The following BCAS3 variants were observed in gnomAD, a reference collection of about 807,000 sequenced individuals.
The protein encoded by BCAS3 is BCAS3 microtubule associated cell migration factor, also known as BCAS4/BCAS3 fusion.
In BCAS3, 53 loss-of-function variants were observed where a neutral mutation model predicts 116.1. The ratio of observed to expected loss-of-function variants is 0.46; its 90% CI spans 0.37 to 0.57. The LOEUF is 0.57. BCAS3 is among the 20% of genes least tolerant of loss of function. The pLI is 0.00. For synonymous variants in BCAS3, 391 were observed against 408.2 expected (o/e 0.96, Z 0.51); for missense variants, 917 against 1,165.4 (o/e 0.79, Z 3.10).
chr17:61,268,434 T>C (rs368671370), intron 22 of BCAS3, among the ~76,000 whole-genome samples: 5 of 152,178 alleles, frequency 3.3e-5, no homozygotes, highest in African/African-American at 1.2e-4. Flanking sequence ...AAAGAAAATA[T>C]AACATTATCA....
intron 22 of BCAS3, among the ~76,000 whole-genome samples, chr17:61,202,648 A>G (rs1178298633): frequency 6.6e-6 from 1 of 152,210 alleles, no homozygotes; most frequent in Non-Finnish European, 1.5e-5. Context: ...TGATCTCAGA[A>G]TAGGCCAAGT....
chr17:61,054,445 C>T (rs148683847), intron 19 of BCAS3, among the ~76,000 whole-genome samples: 1 of 152,296 alleles, frequency 6.6e-6, no homozygotes, highest in African/African-American at 2.4e-5. Context: ...CAGATCACTA[C>T]AGCCTCAACC....
intron 5 of BCAS3, among the ~76,000 whole-genome samples, chr17:60,721,315 G>A (rs1011753652): frequency 9.2e-5 from 14 of 152,158 alleles, no homozygotes; most frequent in Admixed American, 6.5e-4. Flanking sequence ...AAAGAGAATA[G>A]GTGGATCCTT....
At position 61,049,675 on chromosome 17, in the gene BCAS3, G is replaced by A. The variant is rs953336241; in HGVS notation, c.2029+8783G>A. 3.4e-5 allele frequency among the ~76,000 whole-genome samples: 5 copies of A among 148,516 alleles called. 1 individual carries two copies. Among genetic ancestry groups the A allele is most frequent in the Non-Finnish European group, 7.5e-5 (5 of 66,978 alleles). ...TAAAAGCAGCCAGAGGAAAAGACAT[G>A]TTACACACCAAGGAGCAAAGATAAG... On this transcript the variant is annotated intron_variant, in intron 19 of 23. Transcript: ENST00000407086.
At chr17:60,997,193 G>A (rs1031907948) in intron 15 of BCAS3, among the ~76,000 whole-genome samples, 2 of 152,192 alleles carry the variant, frequency 1.3e-5, no homozygotes, top group Non-Finnish European at 2.9e-5. Flanking sequence ...GAGCTCAGGT[G>A]GTAATGCCAG....
chr17:61,091,398 GA>G (rs1349665678), intron 22 of BCAS3, among the ~76,000 whole-genome samples: 1 of 152,158 alleles, frequency 6.6e-6, no homozygotes, highest in African/African-American at 2.4e-5. Context: ...GTGGCAGGGG[GA>G]CAGAGTTGGG....
Position 60,944,024 on chromosome 17 carries a change from A to G in BCAS3, c.1088-3195A>G, listed in dbSNP as rs554240398. ...TAATACCTATATGTGCTTACTCCAG[A>G]AAAGAAGAAAGTTCCTGAAACAATA... is the stretch of plus-strand genomic sequence containing the variant. On this transcript the variant is annotated intron_variant, in intron 13 of 23. Coordinates refer to ENST00000407086, the MANE Select transcript of BCAS3 (RefSeq NM_017679.5). Among the ~76,000 whole-genome samples, 10 of 152,204 alleles carry G rather than the reference A, an allele frequency of 6.6e-5. No homozygotes were observed. In the East Asian group the frequency reaches 1.9e-3, roughly 29 times the overall value.
intron 6 of BCAS3, among the ~76,000 whole-genome samples, chr17:60,785,728 T>C (rs2046231554): frequency 6.6e-6 from 1 of 152,206 alleles, no homozygotes; most frequent in South Asian, 2.1e-4. Context: ...TGATCCCATT[T>C]TGTAAAACAG....
chr17:60,879,719 T>C (rs1567774747), intron 9 of BCAS3, among the ~76,000 whole-genome samples: 1 of 152,258 alleles, frequency 6.6e-6, no homozygotes. Context: ...GGAGAAAACT[T>C]ATTTCTTATA....
chr17:60,740,224 G>A (rs921512172), intron 5 of BCAS3, among the ~76,000 whole-genome samples: 5 of 152,040 alleles, frequency 3.3e-5, no homozygotes, highest in African/African-American at 1.2e-4. Flanking sequence ...TCCATGTGTG[G>A]TGGCTCACAC....
intron 22 of BCAS3, among the ~76,000 whole-genome samples, chr17:61,262,627 C>T (rs1568694818): frequency 1.3e-5 from 2 of 152,114 alleles, no homozygotes; most frequent in African/African-American, 4.8e-5. Context: ...GTGATCCACC[C>T]GCCTCGGCCT....
At chr17:60,685,157 A>T (rs2033826800) in intron 3 of BCAS3, among the ~76,000 whole-genome samples, 1 of 152,212 alleles carries the variant, frequency 6.6e-6, no homozygotes, top group Non-Finnish European at 1.5e-5. Flanking sequence ...GGCTTAGAGT[A>T]GCTTAGTGAT....
chr17:60,911,215 TGGATTCAGC>T (rs1267690572), intron 12 of BCAS3, among the ~76,000 whole-genome samples: 1 of 148,966 alleles, frequency 6.7e-6, no homozygotes, highest in East Asian at 2.0e-4. Flanking sequence ...CTCTGCCTCC[TGGATTCAGC>T]GGATTCTCCT....
rs374230267 is a variant in BCAS3, at chr17:61,307,052, A to G, written c.2426-61275A>G. Among the ~76,000 whole-genome samples, 16 of 152,150 alleles carry G rather than the reference A, an allele frequency of 1.1e-4. No individual in the cohort carries two copies. Among genetic ancestry groups the G allele is most frequent in the Non-Finnish European group, 1.3e-4 (9 of 68,026 alleles). ...GCCCCCAGCTTCTGTGATTCTCTCAAAGGTCTTTCAGTATTGATCAGGGAG... is the reference window on the plus strand; with the variant it reads ...GCCCCCAGCTTCTGTGATTCTCTCAGAGGTCTTTCAGTATTGATCAGGGAG... On this transcript the variant is annotated intron_variant, in intron 22 of 23. Coordinates refer to ENST00000407086, the MANE Select transcript of BCAS3 (RefSeq NM_017679.5). The surrounding 1 kb of genome is among the most constrained non-coding windows in gnomAD (Gnocchi z 4.7).
intron 6 of BCAS3, among the ~76,000 whole-genome samples, chr17:60,764,843 A>G (rs1021734902): frequency 6.6e-6 from 1 of 152,152 alleles, no homozygotes; most frequent in Non-Finnish European, 1.5e-5. Context: ...GTCTCTTTGT[A>G]GGTCTCTAAG....
intron 22 of BCAS3, among the ~76,000 whole-genome samples, chr17:61,322,810 G>C (rs1245854656): frequency 3.8e-5 from 5 of 131,684 alleles, no homozygotes; most frequent in Non-Finnish European, 8.2e-5. Context: ...GAGAGAGAGA[G>C]AGAGAGAGAG....
At chr17:60,715,180 C>T (rs1300696581) in intron 5 of BCAS3, among the ~76,000 whole-genome samples, 1 of 141,916 alleles carries the variant, frequency 7.0e-6, no homozygotes, top group African/African-American at 2.6e-5. Flanking sequence ...GTGGCTCAGA[C>T]TGGAGTGCAG....
intron 15 of BCAS3, among the ~76,000 whole-genome samples, chr17:61,014,892 A>G (rs1302906198): frequency 6.6e-6 from 1 of 152,194 alleles, no homozygotes; most frequent in Non-Finnish European, 1.5e-5. Context: ...TTCAAATTGC[A>G]TGAAAAAGAA....
rs985988309 is a variant in BCAS3, at chr17:61,376,789, G to A, written c.2593+8295G>A. On this transcript the variant is annotated intron_variant, in intron 23 of 23. Transcript: ENST00000407086. This position sits in a 1 kb window ranked among gnomAD's most constrained non-coding sequence, Gnocchi z 4.5. ...ACCCAAGCAACTTAGCCAGAACCTA[G>A]GGCTTTTCCTCTGCCTTATCTAATT... Among the ~76,000 whole-genome samples, 1 of 152,170 alleles carries A rather than the reference G, an allele frequency of 6.6e-6. No homozygotes were observed. The highest frequency in any genetic ancestry group is 1.5e-5 in the Non-Finnish European group (1 of 68,034).
Sources: gnomAD v4.1 joint callset for allele counts (sites outside exome capture counted in the v4.1 genomes callset) on GRCh38, gnomAD v4.1.1 for gene constraint, Gnocchi (gnomAD v3.1) non-coding constraint, MANE v1.5 for transcripts, NCBI Gene and HGNC (gene_info 2026-07-23, HGNC 2026-07-21) for gene names.